The following ABR variants were observed in gnomAD, a reference collection of about 807,000 sequenced individuals.
The protein encoded by ABR is active breakpoint cluster region-related protein.
ABR carries 35 observed loss-of-function variants against 107.2 expected under a neutral mutation model. That is an observed-to-expected ratio of 0.33 (90% CI 0.25 to 0.43). The LOEUF (loss-of-function observed/expected upper bound fraction) is 0.43, where lower values mean the gene tolerates loss of function less well. Ranked by LOEUF, ABR falls within the 20% of genes least tolerant of loss-of-function variation. The probability of loss-of-function intolerance (pLI) is 1.00; values close to 1 mark genes in which losing one functional copy is unlikely to be tolerated. For missense variants in ABR, 815 were observed against 1,115.2 expected, an observed-to-expected ratio of 0.73 and a Z score of 3.83; for synonymous variants, 498 against 462.0, an observed-to-expected ratio of 1.08 and a Z score of -1.00.
chr17:1,204,935 G>A (rs1347331459), intron 1 of ABR, among the ~76,000 whole-genome samples: 25 of 114,780 alleles, frequency 2.2e-4, no homozygotes, highest in South Asian at 2.0e-3. Flanking sequence ...ACTGAGTCTC[G>A]CGCTATCACC....
At chr17:1,126,770 C>G (rs560304579) in intron 1 of ABR, among the ~76,000 whole-genome samples, 174 of 152,338 alleles carry the variant, frequency 1.1e-3, no homozygotes, top group Non-Finnish European at 1.8e-3. Flanking sequence ...AATCCTGCCC[C>G]TTTGTCCTTG....
chr17:1,016,409 C>T lies in ABR; in HGVS notation c.1792-3245G>A, dbSNP rs149845481. ...TCGGCTCACTGCAAGCTCCACCTCC[C>T]GGGTTCAAGTGATTCTCCTGCCTCA... On this transcript the variant is annotated intron_variant, in intron 16 of 22. Coordinates refer to ENST00000302538, the MANE Select transcript of ABR (RefSeq NM_021962.5). 3.2e-4 allele frequency among the ~76,000 whole-genome samples: 49 copies of T among 151,914 alleles called. 1 individual carries two copies. The highest frequency in any genetic ancestry group is 1.1e-3 in the African/African-American group (44 of 41,354).
intron 4 of ABR, 144 bp downstream of exon 4, chr17:1,091,521 G>T: frequency 1.1e-6 from 1 of 934,120 alleles, no homozygotes; most frequent in Non-Finnish European, 1.6e-6. Flanking sequence ...TAACACACAG[G>T]CCCAGGCCTT....
chr17:1,040,188 G>A (rs2030116270), intron 16 of ABR, among the ~76,000 whole-genome samples: 1 of 152,180 alleles, frequency 6.6e-6, no homozygotes, highest in Admixed American at 6.5e-5. Context: ...TCACAACCCA[G>A]GGCCCCCAGG....
chr17:1,036,803 C>T (rs746930009), intron 16 of ABR, among the ~76,000 whole-genome samples: 6 of 152,180 alleles, frequency 3.9e-5, no homozygotes, highest in African/African-American at 7.2e-5. Flanking sequence ...CCAAAACCTG[C>T]GGACTGGAAG....
Position 1,091,870 on chromosome 17 carries a change from A to AG in ABR, c.346-21_346-20insC. ...CATGGGCTGGGAGAAACAGAGGAAG[A>AG]AAGAGCAGAGGTCGGGGGTAAACAA... On this transcript the variant is annotated intron_variant, in intron 3 of 22. Transcript: ENST00000302538. 1 of 1,608,006 alleles carries AG rather than the reference A, an allele frequency of 6.2e-7. No homozygotes were observed.
chr17:1,096,977 C>G (rs992396125), intron 3 of ABR, among the ~76,000 whole-genome samples: 3 of 151,342 alleles, frequency 2.0e-5, no homozygotes, highest in Non-Finnish European at 3.0e-5. Flanking sequence ...AAGGGGGGAA[C>G]CTGCCCCGGG....
chr17:1,182,762 G>A (rs1449272895), upstream of ABR, among the ~76,000 whole-genome samples: 1 of 152,176 alleles, frequency 6.6e-6, no homozygotes, highest in Non-Finnish European at 1.5e-5. Context: ...GCGGGTCCAT[G>A]GGGTTAGAGA....
rs562263893 is a variant in ABR, at chr17:1,016,175, A to G, written c.1792-3011T>C. Among the ~76,000 whole-genome samples, 107 of 152,288 alleles carry G rather than the reference A, an allele frequency of 7.0e-4. 1 individual carries two copies. The highest frequency in any genetic ancestry group is 2.4e-3 in the African/African-American group (101 of 41,568). On this transcript the variant is annotated intron_variant, in intron 16 of 22. Transcript: ENST00000302538. ...ATCGCATATATACCTATTACTGAAA[A>G]TTACTTGAAATGATCTCTCAGTTGA...
At chr17:1,057,641 C>A (rs1395881266) in intron 12 of ABR, among the ~76,000 whole-genome samples, 1 of 129,536 alleles carries the variant, frequency 7.7e-6, no homozygotes, top group Non-Finnish European at 1.6e-5. Context: ...CGTACCCAGC[C>A]TCTGTGTATG....
At chr17:1,093,965 C>T (rs559114538) in intron 3 of ABR, among the ~76,000 whole-genome samples, 41 of 151,696 alleles carry the variant, frequency 2.7e-4, no homozygotes, top group South Asian at 2.1e-4. Flanking sequence ...ACCCTCGCCG[C>T]GCTAGAAACA....
At chr17:1,060,591 G>A (rs544063172) in intron 10 of ABR, among the ~76,000 whole-genome samples, 1 of 152,112 alleles carries the variant, frequency 6.6e-6, no homozygotes, top group Non-Finnish European at 1.5e-5. Context: ...GGAGGTGAGT[G>A]GCGACCAGCT....
In ABR at chr17:1,078,760, C is replaced by A. The variant is rs746207865; in HGVS notation, c.700+570G>T. ...CGGCCACATCTAAGCCCACTCCAGC[C>A]GGCCCCCAGAGGTGGGAGGGTCCGC... is the stretch of plus-strand genomic sequence containing the variant. On this transcript the variant is annotated intron_variant, in intron 6 of 22. Transcript: ENST00000302538. The surrounding 1 kb of genome is among the most constrained non-coding windows in gnomAD (Gnocchi z 7.5). The A allele has an allele frequency of 6.6e-7, 1 of 1,520,128 alleles. No individual in the cohort carries two copies. The allele number at this position is 1,520,128 out of a possible 1,614,324, so 94.2% of individuals were successfully genotyped here. A position where few individuals can be genotyped will look rare whatever the true frequency, so the allele number is the denominator to read the frequency against.
intron 2 of ABR, among the ~76,000 whole-genome samples, chr17:1,105,686 C>T (rs760137002): frequency 6.6e-6 from 1 of 152,114 alleles, no homozygotes; most frequent in African/African-American, 2.4e-5. Flanking sequence ...CTAGCATGGG[C>T]AACATGGTGA....
chr17:1,041,672 G>A (rs1477352694), intron 16 of ABR, among the ~76,000 whole-genome samples: 2 of 152,212 alleles, frequency 1.3e-5, no homozygotes, highest in Non-Finnish European at 2.9e-5. Context: ...GACGGAGGTT[G>A]CAGTGAGCCA....
intron 1 of ABR, among the ~76,000 whole-genome samples, chr17:1,201,913 G>C (rs145708618): frequency 6.6e-6 from 1 of 152,262 alleles, no homozygotes; most frequent in Non-Finnish European, 1.5e-5. Context: ...TCCTGACCTC[G>C]TGATCCGCCC....
chr17:1,039,305 C>T (rs1433187212), intron 16 of ABR, among the ~76,000 whole-genome samples: 1 of 152,202 alleles, frequency 6.6e-6, no homozygotes, highest in Non-Finnish European at 1.5e-5. Flanking sequence ...CCATCTGCTT[C>T]CTGCTGGATG....
rs143549153 is a variant in ABR at position 1,125,231 on chromosome 17, G to A, written c.198C>T (p.Gly66=). 1.2e-3 allele frequency: 1,878 copies of A among 1,609,682 alleles called. 13 individuals carry two copies. Among genetic ancestry groups the A allele is most frequent in the African/African-American group, 1.0e-2 (746 of 74,874 alleles). The stretch of plus-strand genomic sequence containing the variant: ...GAGTCGGGGAGACGCCATCCCCCCC[G>A]CCCTGGCTGCGGGCGCTGAGCTGCG... The part of the protein sequence containing the change: ...MSPQLSARSQ[G]GGDGVSPTPP... The change falls in exon 2 of 23, where the codon GGC becomes GGT. Residue 66 remains glycine (G), a synonymous_variant. Transcript: ENST00000302538.
intron 1 of ABR, among the ~76,000 whole-genome samples, chr17:1,133,191 A>G (rs979986041): frequency 6.6e-6 from 1 of 152,054 alleles, no homozygotes; most frequent in Non-Finnish European, 1.5e-5. Flanking sequence ...GCGGTGAGCC[A>G]AGATCACAAC....
Sources: allele counts gnomAD v4.1 joint callset (sites outside exome capture counted in the v4.1 genomes callset), GRCh38; gene constraint gnomAD v4.1.1; non-coding constraint Gnocchi (gnomAD v3.1); transcripts MANE v1.5; gene names NCBI Gene and HGNC (gene_info 2026-07-23, HGNC 2026-07-21).